GRIP1: variants seen among roughly 807,000 people sequenced by gnomAD.
GRIP1 encodes the protein glutamate receptor-interacting protein 1.
In GRIP1, 45 loss-of-function variants were observed where a neutral mutation model predicts 129.9. That is an observed-to-expected ratio of 0.35 (90% CI 0.27 to 0.44). The LOEUF is 0.44. Among genes scored for constraint, GRIP1 ranks in the 20% least tolerant of loss-of-function variants. The pLI, the probability that GRIP1 is intolerant of heterozygous loss-of-function variation, is 1.00. For synonymous variants in GRIP1, 530 were observed against 520.8 expected (o/e 1.02, Z -0.24); for missense variants, 1,196 against 1,396.8 (o/e 0.86, Z 2.29).
Position 67,035,140 on chromosome 12 carries a change from C to G in GRIP1, c.58+33910G>C, listed in dbSNP as rs1012724144. Among the ~76,000 whole-genome samples the G allele has an allele frequency of 2.0e-5, 3 of 152,126 alleles. No individual in the cohort carries two copies. In the East Asian group the frequency reaches 5.8e-4, roughly 29 times the overall value. Reference sequence around the variant, plus strand: ...GGAAAGTTGGAATTTAAAAACATCTCGTACAAGTATTCTGTTGTACTTTTG... The same window carrying G: ...GGAAAGTTGGAATTTAAAAACATCTGGTACAAGTATTCTGTTGTACTTTTG... On this transcript the variant is annotated intron_variant, in intron 1 of 1. Transcript: ENST00000643019.
chr12:66,558,565 G>T (rs755308987), intron 2 of GRIP1, among the ~76,000 whole-genome samples: 1 of 152,064 alleles, frequency 6.6e-6, no homozygotes, highest in African/African-American at 2.4e-5. Flanking sequence ...CCAATAAATT[G>T]GAAAGCCTAG....
At chr12:67,009,564 C>G (rs2042675683) in intron 1 of GRIP1, among the ~76,000 whole-genome samples, 1 of 152,110 alleles carries the variant, frequency 6.6e-6, no homozygotes, top group African/African-American at 2.4e-5. Context: ...CACCTGCAGT[C>G]CATGCTGAAT....
intron 1 of GRIP1, among the ~76,000 whole-genome samples, chr12:66,811,478 T>C (rs1286421128): frequency 6.6e-6 from 1 of 150,424 alleles, no homozygotes; most frequent in Non-Finnish European, 1.5e-5. Context: ...AATTATAGTG[T>C]CTTTTAAGGT....
intron 1 of GRIP1, among the ~76,000 whole-genome samples, chr12:66,921,044 G>A (rs1467574660): frequency 6.6e-6 from 1 of 152,170 alleles, no homozygotes; most frequent in Non-Finnish European, 1.5e-5. Context: ...TCACTACTGG[G>A]AAATGAGAGG....
At position 66,425,142 on chromosome 12, in the gene GRIP1, G is replaced by C. The variant is rs114628578; in HGVS notation, c.1769-4353C>G. On this transcript the variant is annotated intron_variant, in intron 14 of 24. Transcript: ENST00000359742. ...ACCTTCATATTTGATTGACTACTTTGCTGAGTAAAGAATTCTAGGCTGGCA... is the reference window on the plus strand; with the variant it reads ...ACCTTCATATTTGATTGACTACTTTCCTGAGTAAAGAATTCTAGGCTGGCA... Among the ~76,000 whole-genome samples, 1,390 of 152,228 alleles carry C rather than the reference G, an allele frequency of 9.1e-3. 23 individuals are homozygous for C. Among genetic ancestry groups the C allele is most frequent in the African/African-American group, 0.031 (1,291 of 41,516 alleles).
intron 1 of GRIP1, among the ~76,000 whole-genome samples, chr12:66,784,085 C>A (rs552208158): frequency 1.3e-5 from 2 of 152,050 alleles, no homozygotes; most frequent in South Asian, 2.1e-4. Flanking sequence ...GGAAAATGGA[C>A]GAGAAGGCCT....
At chr12:66,622,422 A>G (rs899632326) in intron 1 of GRIP1, among the ~76,000 whole-genome samples, 11 of 152,106 alleles carry the variant, frequency 7.2e-5, no homozygotes, top group African/African-American at 2.7e-4. Context: ...ATAAGGAAAT[A>G]TATTTGGATT....
chr12:66,663,742 T>C (rs1481529433), intron 1 of GRIP1, among the ~76,000 whole-genome samples: 1 of 152,206 alleles, frequency 6.6e-6, no homozygotes, highest in Admixed American at 6.5e-5. Flanking sequence ...CTCTAAAGCG[T>C]GTGTGTCTAA....
At position 66,399,878 on chromosome 12, in the gene GRIP1, G is replaced by A. The variant is rs192666211; in HGVS notation, c.1985-5526C>T. On this transcript the variant is annotated intron_variant, in intron 16 of 24. Transcript: ENST00000359742. ...GAGTACGGCTAAATTTCTTGGAGTC[G>A]GACAGGCCTGAGAAAGTAAACCATT... Among the ~76,000 whole-genome samples, 5 of 151,876 alleles carry A rather than the reference G, an allele frequency of 3.3e-5. No homozygotes were observed. In the East Asian group the frequency reaches 5.8e-4, roughly 18 times the overall value.
Position 66,534,543 on chromosome 12 carries a change from T to A in GRIP1, c.418+4535A>T, listed in dbSNP as rs191028172. On this transcript the variant is annotated intron_variant, in intron 4 of 24. Coordinates refer to ENST00000359742, the MANE Select transcript of GRIP1 (RefSeq NM_001366722.1). ...CAACAATATGGCTTATAAGGCCATATTATACACTATTTAAATTCTCATTTG... is the reference window on the plus strand; with the variant it reads ...CAACAATATGGCTTATAAGGCCATAATATACACTATTTAAATTCTCATTTG... Among the ~76,000 whole-genome samples, 203 of 152,276 alleles carry A rather than the reference T, an allele frequency of 1.3e-3. 1 individual carries two copies. Among genetic ancestry groups the A allele is most frequent in the African/African-American group, 4.5e-3 (188 of 41,552 alleles).
chr12:66,685,789 T>C (rs1429830497), intron 1 of GRIP1, among the ~76,000 whole-genome samples: 2 of 152,212 alleles, frequency 1.3e-5, no homozygotes, highest in African/African-American at 4.8e-5. Context: ...ATTTTATTCC[T>C]ATGTCACTAA....
At chr12:66,894,855 C>T (rs1261730033) in intron 1 of GRIP1, among the ~76,000 whole-genome samples, 4 of 152,114 alleles carry the variant, frequency 2.6e-5, no homozygotes, top group Non-Finnish European at 5.9e-5. Flanking sequence ...ACATGCTGAC[C>T]AATAACTTTG....
At chr12:66,956,384 C>T (rs531596363) in intron 1 of GRIP1, among the ~76,000 whole-genome samples, 68 of 152,116 alleles carry the variant, frequency 4.5e-4, no homozygotes, top group Middle Eastern at 3.4e-3. Context: ...TTCAATATAC[C>T]AGGAGTAGAT....
chr12:66,588,387 T>C (rs2063723305), intron 2 of GRIP1, among the ~76,000 whole-genome samples: 1 of 152,154 alleles, frequency 6.6e-6, no homozygotes, highest in South Asian at 2.1e-4. Context: ...TTGAGGGCTC[T>C]AGTCAATGAG....
chr12:66,430,003 A>G (rs2058100095), intron 14 of GRIP1, among the ~76,000 whole-genome samples: 2 of 152,208 alleles, frequency 1.3e-5, no homozygotes, highest in Admixed American at 1.3e-4. Context: ...CAGCCTTTGC[A>G]CAAACATTTA....
At chr12:66,450,198 G>T (rs2058742375) in intron 11 of GRIP1, among the ~76,000 whole-genome samples, 1 of 151,090 alleles carries the variant, frequency 6.6e-6, no homozygotes, top group Non-Finnish European at 1.5e-5. Flanking sequence ...CAGCTACTCG[G>T]GAGGCTGAGG....
At chr12:66,866,398 A>G (rs1386422872) in intron 1 of GRIP1, among the ~76,000 whole-genome samples, 1 of 152,198 alleles carries the variant, frequency 6.6e-6, no homozygotes, top group Admixed American at 6.5e-5. Flanking sequence ...ACTTGAGCCC[A>G]GAAGTTCAAG....
chr12:66,867,948 T>A (rs1384603374), intron 1 of GRIP1, among the ~76,000 whole-genome samples: 1 of 152,116 alleles, frequency 6.6e-6, no homozygotes, highest in Non-Finnish European at 1.5e-5. Flanking sequence ...AACACTAAAT[T>A]TTCAATTCTA....
chr12:66,552,277 T>TCA (rs2062167053), intron 2 of GRIP1, among the ~76,000 whole-genome samples: 3 of 152,158 alleles, frequency 2.0e-5, no homozygotes, highest in Admixed American at 2.0e-4. Flanking sequence ...AGAGCTACAC[T>TCA]CACTTGGCCT....
Sources: gnomAD v4.1 joint callset for allele counts (sites outside exome capture counted in the v4.1 genomes callset) on GRCh38, gnomAD v4.1.1 for gene constraint, MANE v1.5 for transcripts, NCBI Gene and HGNC (gene_info 2026-07-23, HGNC 2026-07-21) for gene names.